Variants in LMX1A observed in about 807,000 individuals in gnomAD.
LMX1A encodes the protein LIM homeobox transcription factor 1-alpha.
Under a neutral mutation model 49.1 loss-of-function variants are expected in LMX1A, and 15 were observed. The ratio of observed to expected loss-of-function variants is 0.31; its 90% CI spans 0.20 to 0.47. The LOEUF is 0.47. LMX1A is among the 20% of genes least tolerant of loss of function. The probability of loss-of-function intolerance (pLI) is 1.00; values close to 1 mark genes in which losing one functional copy is unlikely to be tolerated. For synonymous variants in LMX1A, 167 were observed against 185.7 expected (o/e 0.90, Z 0.82); for missense variants, 372 against 475.8 (o/e 0.78, Z 2.03).
chr1:165,287,806 A>T (rs1347687400), intron 3 of LMX1A, among the ~76,000 whole-genome samples: 1 of 152,200 alleles, frequency 6.6e-6, no homozygotes, highest in East Asian at 1.9e-4. Context: ...AAACAGACTG[A>T]CGTACTATAT....
chr1:165,304,138 A>G (rs1289301508), intron 3 of LMX1A, among the ~76,000 whole-genome samples: 5 of 152,100 alleles, frequency 3.3e-5, no homozygotes, highest in Non-Finnish European at 7.3e-5. Flanking sequence ...CTTTACTAAT[A>G]GGGTAACCCT....
chr1:165,304,698 A>T (rs754892340), intron 3 of LMX1A, among the ~76,000 whole-genome samples: 7 of 152,134 alleles, frequency 4.6e-5, no homozygotes, highest in Admixed American at 6.5e-5. Context: ...CCATGATCTG[A>T]CCCTCGTTGC....
rs1214429920 is a variant in LMX1A at position 165,213,781 on chromosome 1, A to G, written c.529T>C (p.Ser177Pro). ...KSDDEESLCK[S>P]AHGAGKGTAE... ...GTTCCTTTCCCTGCCCCATGGGCTG[A>G]CTTGCAGAGACTTTCTTCATCATCA... is the stretch of plus-strand genomic sequence containing the variant. Residue 177 changes from serine to proline, a missense_variant, in exon 5 of 9, where the codon TCA becomes CCA. Ser to Pro is a moderately conservative substitution (Grantham distance 74). Transcript: ENST00000342310. 3.7e-6 allele frequency: 6 copies of G among 1,613,988 alleles called. No individual in the cohort carries two copies.
chr1:165,355,539 C>A lies in LMX1A; in HGVS notation c.21G>T (p.Met7Ile). Reference protein sequence around the residue: MLDGLKMEENFQSAIDT... With the variant: MLDGLKIEENFQSAIDT... ...CGATCGCGCTTTGGAAGTTCTCCTC[C>A]ATCTTTAGGCCGTCCAGCATGTTCG... Residue 7 changes from methionine (M) to isoleucine (I), a missense_variant, in exon 2 of 9, where the codon ATG becomes ATT. This residue lies in a region of LMX1A where 199 missense variants were observed against 244.0 expected (regional missense o/e 0.82). Transcript: ENST00000342310. This position sits in a 1 kb window ranked among gnomAD's most constrained non-coding sequence, Gnocchi z 4.7. 1 of 1,613,884 alleles carries A rather than the reference C, an allele frequency of 6.2e-7. No individual in the cohort carries two copies. Among genetic ancestry groups the A allele is most frequent in the East Asian group, 2.2e-5 (1 of 44,828 alleles).
At chr1:165,327,240 C>A (rs560038778) in intron 3 of LMX1A, among the ~76,000 whole-genome samples, 2 of 152,120 alleles carry the variant, frequency 1.3e-5, no homozygotes, top group Non-Finnish European at 1.5e-5. Flanking sequence ...ACAGAGGGAC[C>A]GAAAGGAGGA....
At chr1:165,327,096 A>G (rs935452556) in intron 3 of LMX1A, among the ~76,000 whole-genome samples, 3 of 152,156 alleles carry the variant, frequency 2.0e-5, no homozygotes, top group Admixed American at 1.3e-4. Flanking sequence ...ACTAGGGTAG[A>G]GATGGATTTG....
intron 4 of LMX1A, among the ~76,000 whole-genome samples, chr1:165,238,799 C>G (rs546304331): frequency 2.0e-5 from 3 of 152,174 alleles, no homozygotes; most frequent in Non-Finnish European, 4.4e-5. Context: ...TTTTAAATGA[C>G]CAGGCAACAC....
chr1:165,271,680 C>T (rs1653797793), intron 3 of LMX1A, among the ~76,000 whole-genome samples: 1 of 152,082 alleles, frequency 6.6e-6, no homozygotes, highest in African/African-American at 2.4e-5. Flanking sequence ...GATGCTGATC[C>T]CCATCATAAA....
intron 3 of LMX1A, among the ~76,000 whole-genome samples, chr1:165,329,230 A>G (rs960499401): frequency 6.6e-6 from 1 of 152,200 alleles, no homozygotes; most frequent in African/African-American, 2.4e-5. Context: ...GAACTCACTC[A>G]CTATCATGAG....
intron 3 of LMX1A, among the ~76,000 whole-genome samples, chr1:165,317,722 AC>A (rs1343678298): frequency 6.6e-6 from 1 of 152,120 alleles, no homozygotes; most frequent in East Asian, 1.9e-4. Context: ...AAAACACATC[AC>A]CTCCAGCTGA....
rs56236301 is a variant in LMX1A at position 165,343,395 on chromosome 1, A to AAATAATAAT, written c.263+9672_263+9680dup. Reference sequence around the variant, plus strand: ...TATGTATAAGCTTTTACTCATATATAAATAATAATAATAATAATAATAATA... The same window carrying AAATAATAAT: ...TATGTATAAGCTTTTACTCATATATAAATAATAATAATAATAATAATAATAATAATAATA... On this transcript the variant is annotated intron_variant, in intron 3 of 8. Coordinates refer to ENST00000342310, the MANE Select transcript of LMX1A (RefSeq NM_177398.4). Among the ~76,000 whole-genome samples the AAATAATAAT allele has an allele frequency of 3.4e-3, 509 of 149,262 alleles. 6 individuals carry two copies. Among genetic ancestry groups the AAATAATAAT allele is most frequent in the Admixed American group, 6.2e-3 (92 of 14,956 alleles).
intron 3 of LMX1A, among the ~76,000 whole-genome samples, chr1:165,276,067 G>A (rs916095862): frequency 6.6e-6 from 1 of 152,022 alleles, no homozygotes; most frequent in Non-Finnish European, 1.5e-5. Flanking sequence ...GAAGAAGAGG[G>A]GGAGGGGCCA....
At chr1:165,281,912 G>A (rs1654163545) in intron 3 of LMX1A, among the ~76,000 whole-genome samples, 1 of 152,200 alleles carries the variant, frequency 6.6e-6, no homozygotes, top group African/African-American at 2.4e-5. Flanking sequence ...ATGGCAATGA[G>A]TTTTCACTGA....
In LMX1A at chr1:165,321,621, G is replaced by A. The variant is rs188007485; in HGVS notation, c.263+31455C>T. Among the ~76,000 whole-genome samples, 333 of 152,018 alleles carry A rather than the reference G, an allele frequency of 2.2e-3. 4 individuals are homozygous for A. The highest frequency in any genetic ancestry group is 2.1e-3 in the Non-Finnish European group (145 of 67,974). On this transcript the variant is annotated intron_variant, in intron 3 of 8. Transcript: ENST00000342310. ...ACCATATAAAACATCAACACAAAAT[G>A]GACCAAAGACCTAATTGCAAGGGCA...
At chr1:165,214,889 T>C (rs1651582423) in intron 4 of LMX1A, among the ~76,000 whole-genome samples, 2 of 152,186 alleles carry the variant, frequency 1.3e-5, no homozygotes, top group Non-Finnish European at 2.9e-5. Context: ...TGAAAGGAAA[T>C]AAAATCTCTA....
chr1:165,256,614 T>C (rs60194298), intron 3 of LMX1A, among the ~76,000 whole-genome samples: 6,240 of 152,246 alleles, frequency 0.041, 432 homozygotes, highest in African/African-American at 0.14. Flanking sequence ...AGACATGATA[T>C]CTATTCTATT....
intron 4 of LMX1A, among the ~76,000 whole-genome samples, chr1:165,242,929 C>CAAAAAAAAAAAATAA (rs1652708566): frequency 8.7e-6 from 1 of 115,156 alleles, no homozygotes; most frequent in Admixed American, 9.1e-5. Flanking sequence ...AACTCCACCT[C>CAAAAAAAAAAAATAA]AAAAAAAAAA....
At chr1:165,207,691 G>A (rs1016489933) in intron 7 of LMX1A, 7 of 229,290 alleles carry the variant, frequency 3.1e-5, no homozygotes, top group African/African-American at 1.1e-4. Flanking sequence ...ATTTTGGAAA[G>A]AGCCAAGTCA....
chr1:165,340,949 C>G (rs6702087), intron 3 of LMX1A, among the ~76,000 whole-genome samples: 136,179 of 152,150 alleles, frequency 0.9, 61,191 homozygotes, highest in Middle Eastern at 0.95. Flanking sequence ...CATTCCCAAC[C>G]TCTCACCTTA....
Sources: allele counts gnomAD v4.1 joint callset (sites outside exome capture counted in the v4.1 genomes callset), GRCh38; gene constraint gnomAD v4.1.1; regional missense constraint gnomAD v4.1.1; non-coding constraint Gnocchi (gnomAD v3.1); transcripts MANE v1.5; gene names NCBI Gene and HGNC (gene_info 2026-07-23, HGNC 2026-07-21).